The following PRRX2 variants were observed in gnomAD, a reference collection of about 807,000 sequenced individuals.
PRRX2 encodes paired related homeobox 2.
In PRRX2, 11 loss-of-function variants were observed where a neutral mutation model predicts 18.0. That is an observed-to-expected ratio of 0.61 (90% CI 0.39 to 1.01). The LOEUF is 1.01. Among genes scored for constraint, PRRX2 ranks in the 50% least tolerant of loss-of-function variants. PRRX2 has a pLI of 0.01. For missense variants in PRRX2, 387 were observed against 351.0 expected (o/e 1.10, Z -0.82); for synonymous variants, 177 against 154.8 (o/e 1.14, Z -1.06).
chr9:129,668,778 C>CAAAAAAAAAAAAAAAAAA (rs562855941), intron 1 of PRRX2, among the ~76,000 whole-genome samples: 2 of 58,646 alleles, frequency 3.4e-5, no homozygotes, highest in African/African-American at 1.1e-4. Flanking sequence ...GACTCCATCT[C>CAAAAAAAAAAAAAAAAAA]AAAAAAAAAA....
intron 1 of PRRX2, among the ~76,000 whole-genome samples, chr9:129,685,828 G>A (rs371390249): frequency 2.6e-5 from 4 of 152,214 alleles, no homozygotes; most frequent in South Asian, 2.1e-4. Context: ...TGTGCCAGGC[G>A]CCACTGCTGA....
chr9:129,694,146 T>C (rs1381256248), intron 1 of PRRX2, among the ~76,000 whole-genome samples: 1 of 152,076 alleles, frequency 6.6e-6, no homozygotes, highest in Non-Finnish European at 1.5e-5. Flanking sequence ...GGCCTGAGTG[T>C]GCTCAAAAAC....
At position 129,719,344 on chromosome 9, in the gene PRRX2, C is replaced by T. The variant is rs546912518; in HGVS notation, c.373C>T (p.Arg125Cys). Reference sequence around the variant, plus strand: ...GCAGGCGCTGGAGCGCGTGTTCGAGCGCACGCACTACCCCGACGCCTTTGT... The same window carrying T: ...GCAGGCGCTGGAGCGCGTGTTCGAGTGCACGCACTACCCCGACGCCTTTGT... ...QLQALERVFE[R>C]THYPDAFVRE... The change falls in exon 2 of 4, where the codon CGC (arginine) becomes TGC (cysteine). Residue 125 changes from arginine (R) to cysteine (C), a missense_variant. Arg to Cys is a radical substitution (Grantham distance 180). Coordinates refer to ENST00000372469, the MANE Select transcript of PRRX2 (RefSeq NM_016307.4). 2 of 1,594,072 alleles carry T rather than the reference C, an allele frequency of 1.3e-6. No individual in the cohort carries two copies. The highest frequency in any genetic ancestry group is 1.7e-6 in the Non-Finnish European group (2 of 1,171,162).
At chr9:129,692,611 AT>A (rs1832374985) in intron 1 of PRRX2, among the ~76,000 whole-genome samples, 1 of 151,934 alleles carries the variant, frequency 6.6e-6, no homozygotes, top group Non-Finnish European at 1.5e-5. Context: ...ATCTCCAAAG[AT>A]TTGCCTTTTT....
At chr9:129,666,605 G>A (rs1588158996) in intron 1 of PRRX2, among the ~76,000 whole-genome samples, 2 of 133,390 alleles carry the variant, frequency 1.5e-5, no homozygotes, top group East Asian at 5.2e-4. Flanking sequence ...CCCGGGAGCA[G>A]CTGCCTCGGT....
Position 129,681,650 on chromosome 9 carries a change from C to G in PRRX2, c.259+15524C>G, listed in dbSNP as rs554322361. ...TGAATGTCTTGGATTTGCCTCCATC[C>G]GGTGCCCCCTCTCTGCTCCTCCCTA... On this transcript the variant is annotated intron_variant, in intron 1 of 3. Transcript: ENST00000372469. Among the ~76,000 whole-genome samples, 7 of 152,322 alleles carry G rather than the reference C, an allele frequency of 4.6e-5. No homozygotes were observed. The East Asian group carries it at 1.2e-3, about 25-fold the overall frequency.
intron 1 of PRRX2, among the ~76,000 whole-genome samples, chr9:129,716,844 GAACT>G (rs1832714884): frequency 6.6e-6 from 1 of 152,062 alleles, no homozygotes; most frequent in Non-Finnish European, 1.5e-5. Context: ...GATAAAGGAA[GAACT>G]AACTCTTAAA....
chr9:129,696,986 C>G (rs1206465995), intron 1 of PRRX2, among the ~76,000 whole-genome samples: 1 of 152,222 alleles, frequency 6.6e-6, no homozygotes, highest in Non-Finnish European at 1.5e-5. Context: ...GGCGACTGAC[C>G]TCCCTCCCTA....
chr9:129,665,845 C>A lies in PRRX2; in HGVS notation c.-23C>A. The A allele has an allele frequency of 9.7e-7, 1 of 1,027,682 alleles. No homozygotes were observed. Among genetic ancestry groups the A allele is most frequent in the South Asian group, 4.5e-5 (1 of 22,330 alleles). The allele number at this position is 1,027,682 out of a possible 1,614,324, so 63.7% of individuals were successfully genotyped here. On this transcript the variant is annotated 5_prime_UTR_variant, in exon 1 of 4. Transcript: ENST00000372469. This position sits in a 1 kb window ranked among gnomAD's most constrained non-coding sequence, Gnocchi z 5.3. Reference sequence around the variant, plus strand: ...GACCCGAGCCCGAGACCCCCGCCGGCCCCCCCGGGGCCGCTCGCGGGCATG... The same window carrying A: ...GACCCGAGCCCGAGACCCCCGCCGGACCCCCCGGGGCCGCTCGCGGGCATG...
chr9:129,679,688 G>C (rs1832203804), intron 1 of PRRX2, among the ~76,000 whole-genome samples: 1 of 152,180 alleles, frequency 6.6e-6, no homozygotes, highest in African/African-American at 2.4e-5. Context: ...AGGTAAGAAG[G>C]TTCCATAACG....
Position 129,706,047 on chromosome 9 carries a change from T to C in PRRX2, c.260-13184T>C, listed in dbSNP as rs183551613. Among the ~76,000 whole-genome samples the C allele has an allele frequency of 1.4e-4, 22 of 152,318 alleles. 1 individual carries two copies. In the East Asian group the frequency reaches 4.3e-3, roughly 30 times the overall value. On this transcript the variant is annotated intron_variant, in intron 1 of 3. Transcript: ENST00000372469. ...AGGAGATATCCTTTGCTTGCCATTCTCTCCAATCTCAATGCTTCTCTTGAC... is the reference window on the plus strand; with the variant it reads ...AGGAGATATCCTTTGCTTGCCATTCCCTCCAATCTCAATGCTTCTCTTGAC...
rs77287136 is a variant in PRRX2 at position 129,705,382 on chromosome 9, G to T, written c.260-13849G>T. Among the ~76,000 whole-genome samples the T allele has an allele frequency of 2.0e-3, 300 of 152,280 alleles. 11 individuals carry two copies. In the East Asian group the frequency reaches 0.053, roughly 27 times the overall value. On this transcript the variant is annotated intron_variant, in intron 1 of 3. Coordinates refer to ENST00000372469, the MANE Select transcript of PRRX2 (RefSeq NM_016307.4). The stretch of plus-strand genomic sequence containing the variant: ...CCTTGGCCCCCCTGGCCCTTTGATT[G>T]CCTGTGAACAGGAGGCAAATGGAGT...
chr9:129,691,324 ACT>A (rs1388575294), intron 1 of PRRX2, among the ~76,000 whole-genome samples: 2 of 151,350 alleles, frequency 1.3e-5, no homozygotes, highest in Non-Finnish European at 2.9e-5. Flanking sequence ...TGACAAAGCG[ACT>A]CTGTCAAAAA....
chr9:129,709,729 T>A lies in PRRX2; in HGVS notation c.260-9502T>A, dbSNP rs1832597992. Among the ~76,000 whole-genome samples the A allele has an allele frequency of 6.6e-6, 1 of 152,068 alleles. No homozygotes were observed. The highest frequency in any genetic ancestry group is 1.5e-5 in the Non-Finnish European group (1 of 68,020). On this transcript the variant is annotated intron_variant, in intron 1 of 3. Coordinates refer to ENST00000372469, the MANE Select transcript of PRRX2 (RefSeq NM_016307.4). This position sits in a 1 kb window ranked among gnomAD's most constrained non-coding sequence, Gnocchi z 4.2. ...GTTCAAAATTAATGAGGTGAAACAT[T>A]CTTAAAAGTGTGGCAGGGCAGTGGC...
chr9:129,717,695 C>CAA lies in PRRX2; in HGVS notation c.260-1518_260-1517dup, dbSNP rs568330077. Among the ~76,000 whole-genome samples, 137 of 82,462 alleles carry CAA rather than the reference C, an allele frequency of 1.7e-3. 1 individual carries two copies. The highest frequency in any genetic ancestry group is 6.8e-3 in the Middle Eastern group (1 of 148). 54.1% of individuals were successfully genotyped at this position (82,462 alleles called of 152,430 possible). A position where few individuals can be genotyped will look rare whatever the true frequency, so the allele number is the denominator to read the frequency against. ...TGGAGGACAGAACAAGACTCCGCCT[C>CAA]AAAAAAAAAAAAAAAAAAAGAAAAA... On this transcript the variant is annotated intron_variant, in intron 1 of 3. Transcript: ENST00000372469.
rs1564361811 is a variant in PRRX2, at chr9:129,665,876, C to CGCG, written c.12_14dup (p.Ala7dup). 1 of 1,067,092 alleles carries CGCG rather than the reference C, an allele frequency of 9.4e-7. No individual in the cohort carries two copies. The highest frequency in any genetic ancestry group is 1.1e-6 in the Non-Finnish European group (1 of 888,166). The allele number at this position is 1,067,092 out of a possible 1,614,324, so 66.1% of individuals were successfully genotyped here. A position where few individuals can be genotyped will look rare whatever the true frequency, so the allele number is the denominator to read the frequency against. ...CGGGGCCGCTCGCGGGCATGGACAG[C>CGCG]GCGGCCGCCGCCTTCGCCCTGGACA... is the stretch of plus-strand genomic sequence containing the variant. On this transcript the variant is annotated inframe_insertion, in exon 1 of 4. Transcript: ENST00000372469. The surrounding 1 kb of genome is among the most constrained non-coding windows in gnomAD (Gnocchi z 5.3).
At chr9:129,669,064 A>G (rs545328609) in intron 1 of PRRX2, among the ~76,000 whole-genome samples, 6 of 150,942 alleles carry the variant, frequency 4.0e-5, no homozygotes, top group South Asian at 2.1e-4. Context: ...GGAGAAAAAA[A>G]AAAGAAAGAA....
chr9:129,710,319 T>C (rs1020317872), intron 1 of PRRX2, among the ~76,000 whole-genome samples: 1 of 152,138 alleles, frequency 6.6e-6, no homozygotes, highest in Non-Finnish European at 1.5e-5. Flanking sequence ...CATCCAGCAA[T>C]GGTCCAGGGA....
chr9:129,668,430 A>G (rs1423375071), intron 1 of PRRX2, among the ~76,000 whole-genome samples: 1 of 152,090 alleles, frequency 6.6e-6, no homozygotes, highest in African/African-American at 2.4e-5. Flanking sequence ...ACGGATCCAG[A>G]CATGCTTGGA....
Sources: gnomAD v4.1 joint callset for allele counts (sites outside exome capture counted in the v4.1 genomes callset) on GRCh38, gnomAD v4.1.1 for gene constraint, Gnocchi (gnomAD v3.1) non-coding constraint, MANE v1.5 for transcripts, NCBI Gene and HGNC (gene_info 2026-07-23, HGNC 2026-07-21) for gene names.